Variants in FBXO36 observed in about 807,000 individuals in gnomAD.
FBXO36 encodes F-box protein 36.
FBXO36 carries 18 observed loss-of-function variants against 17.0 expected under a neutral mutation model. The observed-to-expected ratio is 1.06, with a 90% CI of 0.73 to 1.57. The LOEUF is 1.57. Among genes scored for constraint, FBXO36 ranks in the 40% most tolerant of loss-of-function variants. The pLI, the probability that FBXO36 is intolerant of heterozygous loss-of-function variation, is 0.00. For synonymous variants in FBXO36, 83 were observed against 85.3 expected, an observed-to-expected ratio of 0.97 and a Z score of 0.15; for missense variants, 229 against 221.9, an observed-to-expected ratio of 1.03 and a Z score of -0.20.
intron 3 of FBXO36, among the ~76,000 whole-genome samples, chr2:230,000,169 C>T (rs1050335628): frequency 6.6e-6 from 1 of 151,620 alleles, no homozygotes; most frequent in African/African-American, 2.4e-5. Context: ...ACCAGCCTGG[C>T]CAACATAGGG....
chr2:230,009,164 C>T (rs1284555012), intron 3 of FBXO36, among the ~76,000 whole-genome samples: 1 of 151,970 alleles, frequency 6.6e-6, no homozygotes, highest in African/African-American at 2.4e-5. Flanking sequence ...TTCTTCCTCC[C>T]CAGGAGGAAG....
At chr2:229,943,712 C>T (rs972317944) in intron 1 of FBXO36, among the ~76,000 whole-genome samples, 13 of 152,168 alleles carry the variant, frequency 8.5e-5, no homozygotes, top group African/African-American at 3.1e-4. Context: ...CTGATGTAGA[C>T]ATCTCCCCAG....
chr2:229,949,538 TACACAC>T (rs56048655), intron 1 of FBXO36, among the ~76,000 whole-genome samples: 13 of 149,516 alleles, frequency 8.7e-5, no homozygotes, highest in East Asian at 3.9e-4. Flanking sequence ...GTAAAATGTA[TACACAC>T]ACACACACAC....
chr2:229,996,717 A>C, intron 2 of FBXO36, 34 bp from the exon 3 acceptor site: 1 of 1,584,520 alleles, frequency 6.3e-7, no homozygotes, highest in Non-Finnish European at 8.6e-7. Context: ...ATGTGACTGT[A>C]TATGATAACC....
At chr2:229,976,586 C>T (rs571192088) in intron 2 of FBXO36, 19 of 317,446 alleles carry the variant, frequency 6.0e-5, no homozygotes, top group Admixed American at 1.4e-4. Context: ...TTTGGGAGGC[C>T]GAGGCGGGTG....
chr2:229,982,154 G>A (rs567248797), intron 2 of FBXO36, among the ~76,000 whole-genome samples: 15 of 152,020 alleles, frequency 9.9e-5, no homozygotes, highest in African/African-American at 3.1e-4. Flanking sequence ...CTCCTAAGTA[G>A]CTGGGACTAC....
At chr2:229,923,384 T>C (rs961942365) in intron 1 of FBXO36, 26 of 152,206 alleles carry the variant, frequency 1.7e-4, no homozygotes, top group Admixed American at 4.6e-4. Flanking sequence ...GGGGCCTCCA[T>C]TGGGAAGACG....
chr2:230,010,107 CA>C (rs1181440799), intron 3 of FBXO36, among the ~76,000 whole-genome samples: 3 of 151,666 alleles, frequency 2.0e-5, no homozygotes, highest in Non-Finnish European at 4.4e-5. Context: ...ACTAAAAATA[CA>C]AAATTAGCTC....
rs141391226 is a variant in FBXO36 at position 229,967,830 on chromosome 2, A to G, written c.97-8411A>G. Among the ~76,000 whole-genome samples, 1,064 of 152,272 alleles carry G rather than the reference A, an allele frequency of 7.0e-3. 13 individuals are homozygous for G. Among genetic ancestry groups the G allele is most frequent in the African/African-American group, 0.024 (1,000 of 41,546 alleles). On this transcript the variant is annotated intron_variant, in intron 1 of 3. Transcript: ENST00000283946. ...TGATGTTCATCAGGGATATTTGTCT[A>G]AAATTCTCTTTTTTTGTTGTGTCTC...
chr2:229,999,455 T>A (rs1008148634), intron 3 of FBXO36, among the ~76,000 whole-genome samples: 1 of 149,728 alleles, frequency 6.7e-6, no homozygotes, highest in Non-Finnish European at 1.5e-5. Flanking sequence ...ATTATAGTAC[T>A]TAATATATTC....
chr2:229,942,735 C>G (rs531413326), intron 1 of FBXO36: 2 of 152,422 alleles, frequency 1.3e-5, no homozygotes, highest in Admixed American at 6.5e-5. Context: ...CTGCCCATAC[C>G]AAAGGCTCAG....
At chr2:229,966,529 C>T (rs1285304975) in intron 1 of FBXO36, among the ~76,000 whole-genome samples, 1 of 152,186 alleles carries the variant, frequency 6.6e-6, no homozygotes, top group Admixed American at 6.6e-5. Flanking sequence ...ACATTTAAGT[C>T]TTTAATCCAT....
At chr2:229,962,969 G>A (rs920819562) in intron 1 of FBXO36, among the ~76,000 whole-genome samples, 25 of 151,870 alleles carry the variant, frequency 1.6e-4, no homozygotes, top group African/African-American at 4.1e-4. Context: ...GAGCCACCAC[G>A]CCCAGCTTCA....
At chr2:229,958,773 T>C (rs551999194) in intron 1 of FBXO36, among the ~76,000 whole-genome samples, 3 of 152,344 alleles carry the variant, frequency 2.0e-5, no homozygotes, top group African/African-American at 7.2e-5. Flanking sequence ...TAGGGAACTA[T>C]GACTACATTC....
chr2:229,971,337 A>G (rs1156386107), intron 1 of FBXO36, among the ~76,000 whole-genome samples: 5 of 151,594 alleles, frequency 3.3e-5, no homozygotes, highest in African/African-American at 9.7e-5. Context: ...CCTGAGTGAC[A>G]GAGCAAGACT....
At chr2:229,995,367 T>C (rs1475582727) in intron 2 of FBXO36, among the ~76,000 whole-genome samples, 8 of 152,188 alleles carry the variant, frequency 5.3e-5, no homozygotes, top group African/African-American at 1.9e-4. Flanking sequence ...TGGTTGATTC[T>C]TTATGAACTA....
intron 1 of FBXO36, among the ~76,000 whole-genome samples, chr2:229,938,956 A>T (rs1023033188): frequency 1.3e-5 from 2 of 150,232 alleles, no homozygotes; most frequent in African/African-American, 4.9e-5. Flanking sequence ...TATTTTTTGT[A>T]GAGATGGGGT....
chr2:229,969,384 T>C (rs1375222032), intron 1 of FBXO36, among the ~76,000 whole-genome samples: 1 of 118,614 alleles, frequency 8.4e-6, no homozygotes, highest in Non-Finnish European at 1.8e-5. Flanking sequence ...ACTCACAAAT[T>C]AAAAAAAAAA....
chr2:229,936,608 C>G (rs1446546166), intron 1 of FBXO36, among the ~76,000 whole-genome samples: 1 of 152,128 alleles, frequency 6.6e-6, no homozygotes, highest in Admixed American at 6.6e-5. Context: ...GTGGCTCACA[C>G]TTGTAATCCC....
Sources: allele counts gnomAD v4.1 joint callset (sites outside exome capture counted in the v4.1 genomes callset), GRCh38; gene constraint gnomAD v4.1.1; transcripts MANE v1.5; gene names NCBI Gene and HGNC (gene_info 2026-07-23, HGNC 2026-07-21).